PAMR1: variants seen among roughly 807,000 people sequenced by gnomAD.
The protein encoded by PAMR1 is peptidase domain containing associated with muscle regeneration 1, also known as inactive serine protease PAMR1.
A neutral mutation model predicts 81.8 loss-of-function variants in PAMR1; 88 were observed. The observed-to-expected ratio is 1.08, with a 90% CI of 0.91 to 1.28. The LOEUF is 1.28. Ranked by LOEUF, PAMR1 falls within the 50% of genes most tolerant of loss-of-function variation. The probability of loss-of-function intolerance (pLI) is 0.00; values close to 1 mark genes in which losing one functional copy is unlikely to be tolerated. For missense variants in PAMR1, 935 were observed against 919.7 expected, an observed-to-expected ratio of 1.02 and a Z score of -0.21; for synonymous variants, 336 against 345.3, an observed-to-expected ratio of 0.97 and a Z score of 0.30.
At chr11:35,520,758 C>T (rs544843293) in intron 1 of PAMR1, among the ~76,000 whole-genome samples, 30 of 152,304 alleles carry the variant, frequency 2.0e-4, no homozygotes, top group African/African-American at 7.0e-4. Flanking sequence ...TCCCCATTTG[C>T]TTACACCCCA....
intron 1 of PAMR1, among the ~76,000 whole-genome samples, chr11:35,518,124 G>A (rs745643350): frequency 6.6e-6 from 1 of 152,116 alleles, no homozygotes; most frequent in Non-Finnish European, 1.5e-5. Context: ...CAAAAGGGAG[G>A]CTGAACACCA....
intron 1 of PAMR1, among the ~76,000 whole-genome samples, chr11:35,499,425 T>C (rs1590379469): frequency 6.6e-6 from 1 of 152,222 alleles, no homozygotes; most frequent in East Asian, 1.9e-4. Flanking sequence ...TTCTAATAAT[T>C]TTGTAAATAC....
At chr11:35,443,580 T>C (rs975313420) in intron 6 of PAMR1, among the ~76,000 whole-genome samples, 8 of 152,260 alleles carry the variant, frequency 5.3e-5, no homozygotes, top group Admixed American at 4.6e-4. Flanking sequence ...TGGTGTATCA[T>C]GTACCACATT....
At chr11:35,519,938 T>C (rs1851240229) in intron 1 of PAMR1, among the ~76,000 whole-genome samples, 3 of 152,196 alleles carry the variant, frequency 2.0e-5, no homozygotes, top group Non-Finnish European at 4.4e-5. Context: ...CTATATGACC[T>C]GGGCAGGTAC....
At chr11:35,468,173 C>A in intron 5 of PAMR1, 65 bp from the exon 6 acceptor site, 1 of 961,458 alleles carries the variant, frequency 1.0e-6, no homozygotes, top group South Asian at 1.6e-5. Flanking sequence ...GGCCCAGAGT[C>A]TTGACCAAAG....
At chr11:35,477,758 A>T (rs1850308842) in intron 3 of PAMR1, among the ~76,000 whole-genome samples, 1 of 152,128 alleles carries the variant, frequency 6.6e-6, no homozygotes, top group Admixed American at 6.5e-5. Flanking sequence ...GTCTTTGCTG[A>T]TATGTTAAAC....
At chr11:35,463,123 C>G (rs528891625) in intron 6 of PAMR1, among the ~76,000 whole-genome samples, 1 of 152,334 alleles carries the variant, frequency 6.6e-6, no homozygotes, top group East Asian at 1.9e-4. Context: ...TTCATGTTTT[C>G]ATGAACACCC....
chr11:35,485,920 C>G (rs570539474), intron 3 of PAMR1, among the ~76,000 whole-genome samples: 14 of 152,206 alleles, frequency 9.2e-5, no homozygotes, highest in Non-Finnish European at 1.8e-4. Context: ...CATGGGGCTC[C>G]GGCGCTGTGT....
chr11:35,506,879 T>A (rs1215940105), intron 1 of PAMR1, among the ~76,000 whole-genome samples: 30 of 47,356 alleles, frequency 6.3e-4, no homozygotes, highest in Middle Eastern at 9.3e-3. Flanking sequence ...TTAGTTCTTT[T>A]TTTTTTTTTT....
rs187055360 is a variant in PAMR1 at position 35,446,667 on chromosome 11, C to A, written c.821-4974G>T. Among the ~76,000 whole-genome samples the A allele has an allele frequency of 7.2e-5, 11 of 152,220 alleles. No individual in the cohort carries two copies. The East Asian group carries it at 1.9e-3, about 27-fold the overall frequency. On this transcript the variant is annotated intron_variant, in intron 6 of 10. Coordinates refer to ENST00000619888, the MANE Select transcript of PAMR1 (RefSeq NM_001001991.3). ...TGGTTGAGTGAGTTTCTTAATCTTG[C>A]ATTCTAATTTAATTGTGCTGTGGTC...
At chr11:35,456,425 A>C (rs1856534796) in intron 6 of PAMR1, among the ~76,000 whole-genome samples, 1 of 152,226 alleles carries the variant, frequency 6.6e-6, no homozygotes, top group Admixed American at 6.5e-5. Flanking sequence ...CTTAATCTAC[A>C]GGTAGAATGC....
chr11:35,447,267 A>G (rs1228560189), intron 6 of PAMR1, among the ~76,000 whole-genome samples: 6 of 140,608 alleles, frequency 4.3e-5, no homozygotes, highest in Non-Finnish European at 9.0e-5. Flanking sequence ...CAGTGGTGCG[A>G]TCTCGGCTCA....
intron 6 of PAMR1, among the ~76,000 whole-genome samples, chr11:35,464,831 A>G (rs984681745): frequency 3.9e-5 from 6 of 152,218 alleles, no homozygotes; most frequent in Non-Finnish European, 1.5e-5. Flanking sequence ...ATTAAGTAGA[A>G]AATCTACTTC....
At chr11:35,458,756 A>C (rs917662775) in intron 6 of PAMR1, among the ~76,000 whole-genome samples, 1 of 152,242 alleles carries the variant, frequency 6.6e-6, no homozygotes, top group African/African-American at 2.4e-5. Flanking sequence ...TGTTTAGAAA[A>C]GGCATTAACT....
At chr11:35,502,361 A>G (rs368477898) in intron 1 of PAMR1, among the ~76,000 whole-genome samples, 4 of 152,324 alleles carry the variant, frequency 2.6e-5, no homozygotes, top group East Asian at 3.9e-4. Flanking sequence ...TCCATCACCC[A>G]GGTATTAAGC....
intron 3 of PAMR1, among the ~76,000 whole-genome samples, chr11:35,490,773 C>T (rs1165123080): frequency 6.6e-6 from 1 of 152,198 alleles, no homozygotes; most frequent in African/African-American, 2.4e-5. Flanking sequence ...GCTTCACACA[C>T]ATTATCTCAT....
At chr11:35,450,129 CAAAAAAAAAAAAAAAAAA>C (rs60887441) in intron 6 of PAMR1, among the ~76,000 whole-genome samples, 1 of 43,030 alleles carries the variant, frequency 2.3e-5, no homozygotes, top group Admixed American at 4.4e-4. Context: ...TGCCTCCAGG[CAAAAAAAAAAAAAAAAAA>C]AAAAAAAAAA....
At chr11:35,517,973 T>C (rs529337235) in intron 1 of PAMR1, among the ~76,000 whole-genome samples, 37 of 152,350 alleles carry the variant, frequency 2.4e-4, no homozygotes, top group African/African-American at 8.4e-4. Context: ...TTTCAGAGTC[T>C]CTATTGTACA....
intron 6 of PAMR1, chr11:35,453,453 A>G (rs1054350533): frequency 1.1e-4 from 17 of 152,168 alleles, no homozygotes; most frequent in African/African-American, 3.1e-4. Flanking sequence ...AAAGCCTTCA[A>G]TTGCATCCTA....
Sources: gnomAD v4.1 joint callset for allele counts (sites outside exome capture counted in the v4.1 genomes callset) on GRCh38, gnomAD v4.1.1 for gene constraint, MANE v1.5 for transcripts, NCBI Gene and HGNC (gene_info 2026-07-23, HGNC 2026-07-21) for gene names.